Variants in KHDRBS3 observed in about 807,000 individuals in gnomAD.
KHDRBS3 encodes KH domain-containing, RNA-binding, signal transduction-associated protein 3.
In KHDRBS3, 23 loss-of-function variants were observed where a neutral mutation model predicts 45.6. The ratio of observed to expected loss-of-function variants is 0.50; its 90% CI spans 0.36 to 0.72. KHDRBS3 has a LOEUF of 0.72. KHDRBS3 is among the 30% of genes least tolerant of loss of function. The pLI is 0.00. For missense variants in KHDRBS3, 352 were observed against 424.8 expected (o/e 0.83, Z 1.51); for synonymous variants, 162 against 156.5 (o/e 1.04, Z -0.26).
intron 7 of KHDRBS3, among the ~76,000 whole-genome samples, 163 bp from the exon 8 acceptor site, chr8:135,644,896 T>C (rs952504427): frequency 2.6e-5 from 4 of 152,316 alleles, no homozygotes; most frequent in African/African-American, 9.6e-5. Context: ...AATCCCAAAG[T>C]TGACACTTCT....
At chr8:135,528,650 G>A (rs1825314692) in intron 2 of KHDRBS3, among the ~76,000 whole-genome samples, 2 of 152,172 alleles carry the variant, frequency 1.3e-5, no homozygotes, top group Non-Finnish European at 2.9e-5. Context: ...TGGTGCTATA[G>A]CAAAACACTG....
chr8:135,460,020 C>G (rs1279228260), intron 1 of KHDRBS3, among the ~76,000 whole-genome samples: 1 of 152,244 alleles, frequency 6.6e-6, no homozygotes, highest in Non-Finnish European at 1.5e-5. Context: ...TCTTAAATCA[C>G]AGGCTGATAT....
intron 7 of KHDRBS3, among the ~76,000 whole-genome samples, chr8:135,619,255 T>C (rs2131079361): frequency 6.6e-6 from 1 of 152,322 alleles, no homozygotes; most frequent in South Asian, 2.1e-4. Flanking sequence ...ATTTATGTTG[T>C]TTGTAAGTTT....
At position 135,481,907 on chromosome 8, in the gene KHDRBS3, C is replaced by T. The variant is rs547690972; in HGVS notation, c.88+23953C>T. Among the ~76,000 whole-genome samples, 20 of 152,296 alleles carry T rather than the reference C, an allele frequency of 1.3e-4. No individual in the cohort carries two copies. In the South Asian group the frequency reaches 3.1e-3, roughly 24 times the overall value. Reference sequence around the variant, plus strand: ...TATTTGGCAGGCTTGCAGCCTGTCACCGTTTATGAGTGCTTGATAATGGGA... The same window carrying T: ...TATTTGGCAGGCTTGCAGCCTGTCATCGTTTATGAGTGCTTGATAATGGGA... On this transcript the variant is annotated intron_variant, in intron 1 of 8. Transcript: ENST00000355849.
intron 3 of KHDRBS3, among the ~76,000 whole-genome samples, chr8:135,545,672 C>G (rs1251254237): frequency 1.3e-5 from 2 of 152,148 alleles, no homozygotes; most frequent in African/African-American, 4.8e-5. Flanking sequence ...GTCATTTTCT[C>G]TCTAAACTCT....
At position 135,601,523 on chromosome 8, in the gene KHDRBS3, A is replaced by G. The variant is rs965122773; in HGVS notation, c.808-5432A>G. On this transcript the variant is annotated intron_variant, in intron 6 of 8. Coordinates refer to ENST00000355849, the MANE Select transcript of KHDRBS3 (RefSeq NM_006558.3). ...CACATGAACTAGAAATAGTCATTGC[A>G]TGGGAGGCACAGGACACATTGCAGA... 2.0e-5 allele frequency among the ~76,000 whole-genome samples: 3 copies of G among 152,230 alleles called. No individual in the cohort carries two copies. In the East Asian group the frequency reaches 5.8e-4, roughly 29 times the overall value.
intron 1 of KHDRBS3, among the ~76,000 whole-genome samples, chr8:135,508,779 C>T (rs1014133797): frequency 2.0e-5 from 3 of 152,118 alleles, no homozygotes; most frequent in African/African-American, 7.2e-5. Flanking sequence ...GAATAATCCT[C>T]AATTATTTAG....
At chr8:135,632,479 C>T (rs7014547) in intron 7 of KHDRBS3, among the ~76,000 whole-genome samples, 25,537 of 151,780 alleles carry the variant, frequency 0.17, 3,308 homozygotes, top group East Asian at 0.53. Flanking sequence ...ATGATGATGA[C>T]TCCCAGATTT....
intron 6 of KHDRBS3, among the ~76,000 whole-genome samples, chr8:135,603,983 A>G (rs1201603945): frequency 2.0e-5 from 3 of 151,574 alleles, no homozygotes; most frequent in Admixed American, 6.6e-5. Flanking sequence ...TAGGTATTCT[A>G]CTTATTACTG....
At chr8:135,557,975 T>A (rs1376400515) in intron 5 of KHDRBS3, among the ~76,000 whole-genome samples, 1 of 152,206 alleles carries the variant, frequency 6.6e-6, no homozygotes, top group East Asian at 1.9e-4. Flanking sequence ...TGAATATTAT[T>A]ATTCACTGTA....
At chr8:135,650,172 A>G (rs1831400177), downstream of KHDRBS3, among the ~76,000 whole-genome samples, 1 of 152,210 alleles carries the variant, frequency 6.6e-6, no homozygotes, top group Admixed American at 6.5e-5. Flanking sequence ...GGTCATACAA[A>G]GACTGATAAG....
chr8:135,561,221 T>G (rs1197063025), intron 5 of KHDRBS3, among the ~76,000 whole-genome samples: 2 of 152,232 alleles, frequency 1.3e-5, no homozygotes, highest in Non-Finnish European at 2.9e-5. Flanking sequence ...AAAATCATTA[T>G]TACCTTCAAG....
chr8:135,612,864 A>G (rs1293962321), intron 7 of KHDRBS3, among the ~76,000 whole-genome samples: 1 of 151,854 alleles, frequency 6.6e-6, no homozygotes, highest in Non-Finnish European at 1.5e-5. Flanking sequence ...AACTCACACC[A>G]CATTCCAGAG....
chr8:135,487,649 A>G (rs1822931168), intron 1 of KHDRBS3, among the ~76,000 whole-genome samples: 1 of 152,174 alleles, frequency 6.6e-6, no homozygotes. Context: ...GATTGTGTTG[A>G]AAGTGTAAAT....
intron 1 of KHDRBS3, among the ~76,000 whole-genome samples, chr8:135,471,721 G>T (rs1822024544): frequency 6.6e-6 from 1 of 152,172 alleles, no homozygotes; most frequent in African/African-American, 2.4e-5. Context: ...GAGTCTCTCT[G>T]CTTAGTATTA....
At chr8:135,595,697 C>T (rs940639488) in intron 6 of KHDRBS3, among the ~76,000 whole-genome samples, 1 of 152,190 alleles carries the variant, frequency 6.6e-6, no homozygotes, top group Non-Finnish European at 1.5e-5. Flanking sequence ...CACTTGGCAT[C>T]TCTCATCTGG....
intron 4 of KHDRBS3, among the ~76,000 whole-genome samples, chr8:135,653,081 A>G (rs891903329): frequency 2.0e-5 from 3 of 152,164 alleles, no homozygotes; most frequent in African/African-American, 7.2e-5. Context: ...TCTGCTGCCT[A>G]ACACAGGTCC....
At chr8:135,561,908 G>T (rs1160354348) in intron 5 of KHDRBS3, among the ~76,000 whole-genome samples, 1 of 151,916 alleles carries the variant, frequency 6.6e-6, no homozygotes, top group South Asian at 2.1e-4. Flanking sequence ...AAGATATAAA[G>T]AAAATATTTT....
chr8:135,616,935 G>A (rs1427212771), intron 7 of KHDRBS3, among the ~76,000 whole-genome samples: 6 of 151,908 alleles, frequency 3.9e-5, no homozygotes, highest in East Asian at 3.8e-4. Context: ...AATAACTTTT[G>A]TATAATTTCT....
Sources: gnomAD v4.1 joint callset for allele counts (sites outside exome capture counted in the v4.1 genomes callset) on GRCh38, gnomAD v4.1.1 for gene constraint, MANE v1.5 for transcripts, NCBI Gene and HGNC (gene_info 2026-07-23, HGNC 2026-07-21) for gene names.